Variants in SEC61A2 observed in about 807,000 individuals in gnomAD.
The protein encoded by SEC61A2 is SEC61 translocon subunit alpha 2.
A neutral mutation model predicts 59.9 loss-of-function variants in SEC61A2; 28 were observed. That is an observed-to-expected ratio of 0.47 (90% CI 0.35 to 0.64). The LOEUF is 0.64. Ranked by LOEUF, SEC61A2 falls within the 30% of genes least tolerant of loss-of-function variation. The pLI, the probability that SEC61A2 is intolerant of heterozygous loss-of-function variation, is 0.01. For synonymous variants in SEC61A2, 202 were observed against 214.4 expected (o/e 0.94, Z 0.50); for missense variants, 340 against 585.9 (o/e 0.58, Z 4.33).
downstream of SEC61A2, chr10:12,167,862 A>C (rs768723955): frequency 1.9e-6 from 3 of 1,607,904 alleles, no homozygotes; most frequent in Non-Finnish European, 2.5e-6. Flanking sequence ...GGAAGGACAA[A>C]ACATCTTATT....
chr10:12,148,239 A>ATT lies in SEC61A2; in HGVS notation c.221-1334_221-1333dup, dbSNP rs66965878. Among the ~76,000 whole-genome samples the ATT allele has an allele frequency of 5.1e-3, 498 of 97,374 alleles. 5 individuals carry two copies. The highest frequency in any genetic ancestry group is 0.019 in the African/African-American group (464 of 24,746). The allele number at this position is 97,374 out of a possible 152,430, so 63.9% of individuals were successfully genotyped here. A position where few individuals can be genotyped will look rare whatever the true frequency, so the allele number is the denominator to read the frequency against. On this transcript the variant is annotated intron_variant, in intron 4 of 11. Coordinates refer to ENST00000298428, the MANE Select transcript of SEC61A2 (RefSeq NM_018144.4). The stretch of plus-strand genomic sequence containing the variant: ...CAGGCGTGAGCCACCATGCCCGGCC[A>ATT]TTTTTTTTTTTTTTTTTTTTTTTAA...
Position 12,158,625 on chromosome 10 carries a change from G to T in SEC61A2, c.975+520G>T, listed in dbSNP as rs1210535705. On this transcript the variant is annotated intron_variant, in intron 9 of 11. Coordinates refer to ENST00000298428, the MANE Select transcript of SEC61A2 (RefSeq NM_018144.4). This position sits in a 1 kb window ranked among gnomAD's most constrained non-coding sequence, Gnocchi z 5.7. ...GGTGCTTGTAGTCCCAACCATTCAG[G>T]AGGTCAAGTCAGGAGAATTGCTGGA... Among the ~76,000 whole-genome samples, 2 of 152,122 alleles carry T rather than the reference G, an allele frequency of 1.3e-5. No individual in the cohort carries two copies. The highest frequency in any genetic ancestry group is 4.8e-5 in the African/African-American group (2 of 41,414).
rs1216973177 is a variant in SEC61A2 at position 12,160,499 on chromosome 10, TAA to T, written c.976-429_976-428del. ...ACCACATAAAGTCTAGGCAGCAAGTTAAAGTCTTATGTCAGTATTTTAGTTGA... is the reference window on the plus strand; with the variant it reads ...ACCACATAAAGTCTAGGCAGCAAGTTAGTCTTATGTCAGTATTTTAGTTGA... On this transcript the variant is annotated intron_variant, in intron 9 of 11. Transcript: ENST00000298428. This position sits in a 1 kb window ranked among gnomAD's most constrained non-coding sequence, Gnocchi z 4.1. 3.3e-5 allele frequency among the ~76,000 whole-genome samples: 5 copies of T among 152,232 alleles called. No individual in the cohort carries two copies. The highest frequency in any genetic ancestry group is 5.9e-5 in the Non-Finnish European group (4 of 68,038).
At chr10:12,144,689 G>T (rs1036483647) in intron 4 of SEC61A2, among the ~76,000 whole-genome samples, 2 of 152,136 alleles carry the variant, frequency 1.3e-5, no homozygotes, top group Non-Finnish European at 2.9e-5. Flanking sequence ...AGACCTGAGG[G>T]AGGCATATTC....
intron 3 of SEC61A2, among the ~76,000 whole-genome samples, chr10:12,138,665 G>A (rs1436142479): frequency 1.3e-5 from 2 of 152,150 alleles, no homozygotes; most frequent in African/African-American, 2.4e-5. Context: ...TAATCTTTTT[G>A]AGATTAATTC....
At chr10:12,169,854 A>G, downstream of SEC61A2, 1 of 366,166 alleles carries the variant, frequency 2.7e-6, no homozygotes, top group Non-Finnish European at 4.9e-6. The surrounding 1 kb of genome is among the most constrained non-coding windows in gnomAD (Gnocchi z 4.8). Flanking sequence ...GCTTCAGGCC[A>G]AACAATGCTT....
At chr10:12,130,400 A>G (rs1833705526) in intron 1 of SEC61A2, among the ~76,000 whole-genome samples, 2 of 152,166 alleles carry the variant, frequency 1.3e-5, no homozygotes. Context: ...GCACGTAGCT[A>G]CTTGCATAGC....
intron 11 of SEC61A2, among the ~76,000 whole-genome samples, chr10:12,163,707 T>TA (rs941758770): frequency 6.6e-6 from 1 of 152,102 alleles, no homozygotes; most frequent in Non-Finnish European, 1.5e-5. Flanking sequence ...TCCTTAAACT[T>TA]TTTATTTATT....
Position 12,160,919 on chromosome 10 carries a change from C to T in SEC61A2, c.976-11C>T, listed in dbSNP as rs1834510779. On this transcript the variant is annotated splice_polypyrimidine_tract_variant and intron_variant, in intron 9 of 11. Transcript: ENST00000298428. The surrounding 1 kb of genome is among the most constrained non-coding windows in gnomAD (Gnocchi z 4.1). ...GGTTGACCACTTGTTCTTTGTACTC[C>T]TGTTCTGTAGGATGTCAGTGGGGGA... The T allele has an allele frequency of 6.2e-7, 1 of 1,605,186 alleles. No individual in the cohort carries two copies. The highest frequency in any genetic ancestry group is 8.5e-7 in the Non-Finnish European group (1 of 1,176,176).
chr10:12,159,256 C>T (rs770746291), intron 9 of SEC61A2, among the ~76,000 whole-genome samples: 2 of 152,082 alleles, frequency 1.3e-5, no homozygotes, highest in Non-Finnish European at 2.9e-5. Flanking sequence ...GGATTACAGG[C>T]GTGAGCCACC....
chr10:12,155,627 C>T lies in SEC61A2; in HGVS notation c.463-151C>T, dbSNP rs1012660797. On this transcript the variant is annotated intron_variant, in intron 6 of 11. Coordinates refer to ENST00000298428, the MANE Select transcript of SEC61A2 (RefSeq NM_018144.4). This position sits in a 1 kb window ranked among gnomAD's most constrained non-coding sequence, Gnocchi z 4.3. ...ATTGGCCTGAGTAAATGAAAGCAGG[C>T]CAAAAGATGCAGTTGGTCATCACAG... 4 of 908,802 alleles carry T rather than the reference C, an allele frequency of 4.4e-6. No individual in the cohort carries two copies. The Admixed American group carries it at 8.6e-5, about 19-fold the overall frequency. 56.3% of individuals were successfully genotyped at this position (908,802 alleles called of 1,614,324 possible). A position where few individuals can be genotyped will look rare whatever the true frequency, so the allele number is the denominator to read the frequency against.
chr10:12,153,824 CTGTT>C lies in SEC61A2; in HGVS notation c.463-1951_463-1948del, dbSNP rs750123255. On this transcript the variant is annotated intron_variant, in intron 6 of 11. Transcript: ENST00000298428. This position sits in a 1 kb window ranked among gnomAD's most constrained non-coding sequence, Gnocchi z 5.2. ...CACCCAGAAACATAGGTTTTGAAAA[CTGTT>C]TGCATGCCGTTGTGGAAGGTATTTC... The C allele has an allele frequency of 1.4e-4, 218 of 1,592,278 alleles. No individual in the cohort carries two copies. The highest frequency in any genetic ancestry group is 1.8e-4 in the Non-Finnish European group (214 of 1,170,370).
chr10:12,146,763 C>T (rs1834148858), intron 4 of SEC61A2, among the ~76,000 whole-genome samples: 1 of 152,148 alleles, frequency 6.6e-6, no homozygotes, highest in African/African-American at 2.4e-5. Context: ...TGTGATCCGC[C>T]CGCCTCAGCC....
downstream of SEC61A2, chr10:12,169,474 G>A: frequency 6.8e-6 from 4 of 590,824 alleles, no homozygotes; most frequent in Middle Eastern, 3.6e-4. This position sits in a 1 kb window ranked among gnomAD's most constrained non-coding sequence, Gnocchi z 4.8. Context: ...GCTAATTATG[G>A]TCCGCGGAGC....
chr10:12,140,753 G>A (rs914287121), intron 3 of SEC61A2, among the ~76,000 whole-genome samples: 2 of 149,442 alleles, frequency 1.3e-5, no homozygotes, highest in Non-Finnish European at 3.0e-5. Flanking sequence ...GTGCCACCAC[G>A]CCCAGCTAAT....
Position 12,164,517 on chromosome 10 carries a change from A to C in SEC61A2, c.*63A>C, listed in dbSNP as rs1395029173. The C allele has an allele frequency of 4.5e-6, 7 of 1,558,500 alleles. No individual in the cohort carries two copies. In the African/African-American group the frequency reaches 9.6e-5, roughly 21 times the overall value. ...AACACTTTGACGGATCGTTTTTGTC[A>C]GATGACACTGGTGGCTCCCCTTTTC... On this transcript the variant is annotated 3_prime_UTR_variant, in exon 12 of 12. Transcript: ENST00000298428. This position sits in a 1 kb window ranked among gnomAD's most constrained non-coding sequence, Gnocchi z 7.3.
chr10:12,161,187 T>A lies in SEC61A2; in HGVS notation c.1167+66T>A, dbSNP rs377753342. The A allele has an allele frequency of 2.6e-4, 354 of 1,378,628 alleles. 2 individuals carry two copies. The South Asian group carries it at 4.5e-3, about 18-fold the overall frequency. 85.4% of individuals were successfully genotyped at this position (1,378,628 alleles called of 1,614,324 possible). A position where few individuals can be genotyped will look rare whatever the true frequency, so the allele number is the denominator to read the frequency against. ...GCATGGTGGCGCACATCTGTAATCG[T>A]AGCACTTTGGCAGGCTGAGGCCGCT... On this transcript the variant is annotated intron_variant, in intron 10 of 11. Transcript: ENST00000298428. The surrounding 1 kb of genome is among the most constrained non-coding windows in gnomAD (Gnocchi z 5.4).
chr10:12,158,929 G>A lies in SEC61A2; in HGVS notation c.975+824G>A, dbSNP rs1437778684. 6.6e-6 allele frequency among the ~76,000 whole-genome samples: 1 copy of A among 151,658 alleles called. No homozygotes were observed. The highest frequency in any genetic ancestry group is 1.5e-5 in the Non-Finnish European group (1 of 67,952). ...GACGGTAGAGACAGCGGTGCTGCTAGTAATATAATCCTATACATTCTCATA... is the reference window on the plus strand; with the variant it reads ...GACGGTAGAGACAGCGGTGCTGCTAATAATATAATCCTATACATTCTCATA... On this transcript the variant is annotated intron_variant, in intron 9 of 11. Transcript: ENST00000298428. This position sits in a 1 kb window ranked among gnomAD's most constrained non-coding sequence, Gnocchi z 5.7.
chr10:12,137,030 T>A (rs1833905766), intron 3 of SEC61A2, among the ~76,000 whole-genome samples: 1 of 151,988 alleles, frequency 6.6e-6, no homozygotes, highest in South Asian at 2.1e-4. Context: ...CCTCCCAAAT[T>A]GCTGGGATTA....
Sources: gnomAD v4.1 joint callset for allele counts (sites outside exome capture counted in the v4.1 genomes callset) on GRCh38, gnomAD v4.1.1 for gene constraint, Gnocchi (gnomAD v3.1) non-coding constraint, MANE v1.5 for transcripts, NCBI Gene and HGNC (gene_info 2026-07-23, HGNC 2026-07-21) for gene names.